The following PSMB2 variants were observed in gnomAD, a reference collection of about 807,000 sequenced individuals.
PSMB2 encodes proteasome subunit beta type-2.
Under a neutral mutation model 25.7 loss-of-function variants are expected in PSMB2, and 13 were observed. That is an observed-to-expected ratio of 0.51 (90% CI 0.33 to 0.80). The LOEUF is 0.80. Among genes scored for constraint, PSMB2 ranks in the 30% least tolerant of loss-of-function variants. The pLI is 0.02. For missense variants in PSMB2, 202 were observed against 259.0 expected, an observed-to-expected ratio of 0.78 and a Z score of 1.51; for synonymous variants, 87 against 96.2, an observed-to-expected ratio of 0.90 and a Z score of 0.56.
rs1651396536 is a variant in PSMB2, at chr1:35,641,517, A to AT, written c.-86_-85insA. ...TCTCACCGGTGAGACAGCACCTCAGAGCGAAGATTGGCGCGACGCCTGCAG... is the reference window on the plus strand; with the variant it reads ...TCTCACCGGTGAGACAGCACCTCAGATGCGAAGATTGGCGCGACGCCTGCAG... On this transcript the variant is annotated 5_prime_UTR_variant, in exon 1 of 6. Coordinates refer to ENST00000373237, the MANE Select transcript of PSMB2 (RefSeq NM_002794.5). The AT allele has an allele frequency of 3.2e-6, 5 of 1,584,136 alleles. No individual in the cohort carries two copies. Among genetic ancestry groups the AT allele is most frequent in the Non-Finnish European group, 4.3e-6 (5 of 1,162,604 alleles).
intron 4 of PSMB2, among the ~76,000 whole-genome samples, chr1:35,608,549 TTTACA>T (rs1233910050): frequency 3.3e-5 from 5 of 152,330 alleles, no homozygotes; most frequent in South Asian, 2.1e-4. Flanking sequence ...CCATGATCTG[TTTACA>T]TTACATGTAT....
chr1:35,628,778 C>T (rs1023986855), intron 3 of PSMB2, among the ~76,000 whole-genome samples: 1 of 150,520 alleles, frequency 6.6e-6, no homozygotes, highest in Non-Finnish European at 1.5e-5. Context: ...AGCCCTTGGT[C>T]AAAGCTAGCA....
At chr1:35,634,698 C>T (rs1378201786) in intron 2 of PSMB2, among the ~76,000 whole-genome samples, 3 of 151,926 alleles carry the variant, frequency 2.0e-5, no homozygotes, top group Non-Finnish European at 2.9e-5. Context: ...TACTTTTAAA[C>T]TCAAACCACA....
At chr1:35,606,612 G>A (rs1329895763) in intron 4 of PSMB2, among the ~76,000 whole-genome samples, 1 of 152,136 alleles carries the variant, frequency 6.6e-6, no homozygotes, top group African/African-American at 2.4e-5. Flanking sequence ...TTATGAAGAT[G>A]ACAACACTAC....
intron 3 of PSMB2, among the ~76,000 whole-genome samples, chr1:35,620,338 C>T (rs147112784): frequency 1.4e-4 from 21 of 152,252 alleles, no homozygotes; most frequent in Middle Eastern, 3.4e-3. Context: ...GTTATTGCTA[C>T]GGCTTTAACT....
chr1:35,628,632 T>TATA (rs1491503087), intron 3 of PSMB2, among the ~76,000 whole-genome samples: 23 of 35,472 alleles, frequency 6.5e-4, no homozygotes, highest in South Asian at 1.6e-3. Context: ...TATATATATA[T>TATA]TTTTTTTTTT....
In PSMB2 at chr1:35,632,686, G is replaced by A. The variant is rs558020139; in HGVS notation, c.215-1342C>T. On this transcript the variant is annotated intron_variant, in intron 2 of 5. Coordinates refer to ENST00000373237, the MANE Select transcript of PSMB2 (RefSeq NM_002794.5). ...AGGCAGGCAGATCACTCGAGCCCAG[G>A]AGTTTAAGACCATTCTGGGCAACAT... is the stretch of plus-strand genomic sequence containing the variant. 5.3e-5 allele frequency among the ~76,000 whole-genome samples: 8 copies of A among 152,040 alleles called. No homozygotes were observed. In the East Asian group the frequency reaches 1.5e-3, roughly 29 times the overall value.
intron 3 of PSMB2, among the ~76,000 whole-genome samples, chr1:35,626,187 G>C (rs1437798616): frequency 1.3e-5 from 2 of 151,950 alleles, no homozygotes; most frequent in Non-Finnish European, 2.9e-5. Flanking sequence ...TGCTCTTTGG[G>C]GTCTAACCAA....
chr1:35,618,016 T>C (rs1326548021), intron 3 of PSMB2, among the ~76,000 whole-genome samples: 1 of 152,114 alleles, frequency 6.6e-6, no homozygotes, highest in Non-Finnish European at 1.5e-5. Context: ...ACAAAACAGA[T>C]TGCCATTTTA....
rs1005473448 is a variant in PSMB2, at chr1:35,600,934, A to T, written c.*2333T>A. On this transcript the variant is annotated 3_prime_UTR_variant, in exon 6 of 6. Coordinates refer to ENST00000373237, the MANE Select transcript of PSMB2 (RefSeq NM_002794.5). ...ACCTATATTACTTCATGGAATTCTCATATCTACCACATAGAATAGGTGCTA... is the reference window on the plus strand; with the variant it reads ...ACCTATATTACTTCATGGAATTCTCTTATCTACCACATAGAATAGGTGCTA... 4.1e-6 allele frequency: 4 copies of T among 983,018 alleles called. No homozygotes were observed. The East Asian group carries it at 3.4e-4, about 84-fold the overall frequency. The allele number at this position is 983,018 out of a possible 1,614,324, so 60.9% of individuals were successfully genotyped here. A position where few individuals can be genotyped will look rare whatever the true frequency, so the allele number is the denominator to read the frequency against.
chr1:35,623,834 T>C (rs988981253), intron 3 of PSMB2, among the ~76,000 whole-genome samples: 3 of 152,240 alleles, frequency 2.0e-5, no homozygotes, highest in African/African-American at 7.2e-5. Context: ...GATATTTCAA[T>C]CACATGTAAC....
At chr1:35,620,377 G>T (rs1650644220) in intron 3 of PSMB2, among the ~76,000 whole-genome samples, 1 of 152,010 alleles carries the variant, frequency 6.6e-6, no homozygotes, top group African/African-American at 2.4e-5. Context: ...TGGTCTCCCC[G>T]CTTCCTTCAT....
intron 3 of PSMB2, among the ~76,000 whole-genome samples, chr1:35,617,553 A>C (rs777702883): frequency 2.6e-5 from 4 of 152,238 alleles, no homozygotes; most frequent in Admixed American, 2.6e-4. Flanking sequence ...TGGAATGTGA[A>C]TAAGTTCAAT....
intron 1 of PSMB2, among the ~76,000 whole-genome samples, chr1:35,639,126 C>A (rs1020344726): frequency 3.3e-5 from 5 of 151,858 alleles, no homozygotes; most frequent in African/African-American, 1.2e-4. Flanking sequence ...TGGTGACGGG[C>A]GCCTGTAATC....
chr1:35,628,591 AAAAAAATATATATAT>A (rs1387484806), intron 3 of PSMB2, among the ~76,000 whole-genome samples: 774 of 21,924 alleles, frequency 0.035, 4 homozygotes, highest in Non-Finnish European at 0.049. Context: ...AAAAAAAAAA[AAAAAAATATATATAT>A]ATATATATAT....
intron 1 of PSMB2, among the ~76,000 whole-genome samples, chr1:35,637,240 A>C (rs1651271735): frequency 6.6e-6 from 1 of 152,244 alleles, no homozygotes; most frequent in African/African-American, 2.4e-5. Flanking sequence ...ATTTCAAGAA[A>C]GAATAGAAAA....
At chr1:35,611,694 C>T (rs951853523) in intron 3 of PSMB2, among the ~76,000 whole-genome samples, 3 of 151,978 alleles carry the variant, frequency 2.0e-5, no homozygotes, top group East Asian at 1.9e-4. Flanking sequence ...CGTGGTGGCA[C>T]GAGCCTATAA....
intron 3 of PSMB2, among the ~76,000 whole-genome samples, chr1:35,630,459 G>A (rs1651057446): frequency 6.6e-6 from 1 of 152,090 alleles, no homozygotes; most frequent in Non-Finnish European, 1.5e-5. Flanking sequence ...GTAGGTGAAT[G>A]GATAAATAAC....
intron 3 of PSMB2, among the ~76,000 whole-genome samples, chr1:35,622,293 G>C (rs1321160477): frequency 6.6e-6 from 1 of 152,110 alleles, no homozygotes; most frequent in African/African-American, 2.4e-5. Context: ...TGAGTATGTG[G>C]GAGGGCATGC....
Sources: allele counts gnomAD v4.1 joint callset (sites outside exome capture counted in the v4.1 genomes callset), GRCh38; gene constraint gnomAD v4.1.1; transcripts MANE v1.5; gene names NCBI Gene and HGNC (gene_info 2026-07-23, HGNC 2026-07-21).